Variants in TTLL9 observed in about 807,000 individuals in gnomAD.
TTLL9 encodes the protein probable tubulin polyglutamylase TTLL9.
In TTLL9, 47 loss-of-function variants were observed where a neutral mutation model predicts 65.6. The ratio of observed to expected loss-of-function variants is 0.72; its 90% CI spans 0.57 to 0.91. The LOEUF (loss-of-function observed/expected upper bound fraction) is 0.91, where lower values mean the gene tolerates loss of function less well. TTLL9 is among the 40% of genes least tolerant of loss of function. TTLL9 has a pLI of 0.00. For synonymous variants in TTLL9, 179 were observed against 204.8 expected, an observed-to-expected ratio of 0.87 and a Z score of 1.07; for missense variants, 537 against 568.8, an observed-to-expected ratio of 0.94 and a Z score of 0.57.
chr20:31,924,147 A>C (rs1600602605), intron 8 of TTLL9, among the ~76,000 whole-genome samples: 1 of 150,010 alleles, frequency 6.7e-6, no homozygotes, highest in African/African-American at 2.5e-5. Flanking sequence ...CATTCCTCTC[A>C]CCTCCACCCC....
At chr20:31,942,473 G>A (rs2064226890) in intron 14 of TTLL9, among the ~76,000 whole-genome samples, 1 of 148,410 alleles carries the variant, frequency 6.7e-6, no homozygotes, top group Non-Finnish European at 1.5e-5. Context: ...TGAGGTGCCA[G>A]GCACTGTGCT....
At chr20:31,873,832 GAAAGAA>G (rs1555800248) in intron 2 of TTLL9, among the ~76,000 whole-genome samples, 1 of 75,658 alleles carries the variant, frequency 1.3e-5, no homozygotes, top group Non-Finnish European at 3.1e-5. Flanking sequence ...AAGAAAGAAA[GAAAGAA>G]AGAAAGAAAG....
intron 6 of TTLL9, among the ~76,000 whole-genome samples, chr20:31,912,603 ATGTGTGTGTG>A (rs61107814): frequency 0.066 from 9,246 of 141,066 alleles, 397 homozygotes; most frequent in African/African-American, 0.13. Flanking sequence ...GTGTATGTGT[ATGTGTGTGTG>A]TGTGTGTGTG....
intron 10 of TTLL9, among the ~76,000 whole-genome samples, chr20:31,930,733 A>G (rs1229074741): frequency 6.6e-6 from 1 of 152,070 alleles, no homozygotes; most frequent in East Asian, 1.9e-4. Context: ...TTTCTAAACT[A>G]AGAAAAGTCT....
At chr20:31,920,679 C>T (rs1249533278) in intron 7 of TTLL9, 1 of 152,734 alleles carries the variant, frequency 6.5e-6, no homozygotes, top group African/African-American at 2.4e-5. Flanking sequence ...AGCCTGGAGG[C>T]CCAGCCTGCC....
chr20:31,921,415 T>C (rs987503310), intron 7 of TTLL9, among the ~76,000 whole-genome samples: 7 of 152,188 alleles, frequency 4.6e-5, no homozygotes, highest in African/African-American at 9.7e-5. Flanking sequence ...GACAGTGTGG[T>C]GATTCCTCAG....
chr20:31,890,096 C>T (rs1239034588), intron 3 of TTLL9, among the ~76,000 whole-genome samples: 3 of 73,882 alleles, frequency 4.1e-5, no homozygotes, highest in African/African-American at 6.9e-5. Context: ...TGCTTTCTTT[C>T]CCTCCCTTCC....
chr20:31,884,642 A>G (rs1338763040), intron 2 of TTLL9, among the ~76,000 whole-genome samples: 1 of 152,150 alleles, frequency 6.6e-6, no homozygotes, highest in East Asian at 1.9e-4. Flanking sequence ...CCCCTTTTCT[A>G]GTTTCTGGAG....
chr20:31,937,324 G>C, intron 12 of TTLL9, 72 bp from the exon 13 acceptor site: 1 of 1,023,636 alleles, frequency 9.8e-7, no homozygotes, highest in Non-Finnish European at 1.5e-6. Context: ...CATCCATCTA[G>C]CCTCTCAGTG....
chr20:31,885,578 A>T (rs1424959721), intron 2 of TTLL9, among the ~76,000 whole-genome samples: 2 of 152,212 alleles, frequency 1.3e-5, no homozygotes, highest in Non-Finnish European at 2.9e-5. Context: ...GAAGGGCTTG[A>T]ATGGAAGAAT....
chr20:31,937,343 G>C, intron 12 of TTLL9, 53 bp from the exon 13 acceptor site: 1 of 1,362,412 alleles, frequency 7.3e-7, no homozygotes. Flanking sequence ...TGAAATCCTA[G>C]GGGCTCCAGG....
intron 5 of TTLL9, 34 bp from the exon 6 acceptor site, chr20:31,909,703 G>A (rs1316133517): frequency 6.2e-7 from 1 of 1,604,634 alleles, no homozygotes; most frequent in African/African-American, 1.3e-5. Flanking sequence ...CTGTGAGCAG[G>A]AGCTAATGGC....
intron 12 of TTLL9, among the ~76,000 whole-genome samples, chr20:31,936,488 C>G (rs1303414334): frequency 6.6e-6 from 1 of 151,910 alleles, no homozygotes; most frequent in Non-Finnish European, 1.5e-5. Context: ...AAAAAAAAGT[C>G]TATTTTTGGC....
At chr20:31,920,222 A>AAC (rs967475809) in intron 7 of TTLL9, among the ~76,000 whole-genome samples, 8 of 109,150 alleles carry the variant, frequency 7.3e-5, no homozygotes, top group African/African-American at 3.1e-4. Flanking sequence ...CTAATAAGCA[A>AAC]ACACGCGCAC....
chr20:31,906,838 T>C (rs2063566320), intron 4 of TTLL9, among the ~76,000 whole-genome samples: 1 of 152,016 alleles, frequency 6.6e-6, no homozygotes, highest in African/African-American at 2.4e-5. Flanking sequence ...TTGGTAGAAA[T>C]GGGGTTTCAC....
rs866799029 is a variant in TTLL9 at position 31,911,164 on chromosome 20, G to A, written c.504+1242G>A. ...CACTCCAGCCTGGGTGAGAGAGTGAGACTCCGTCTCAAAAAAAAAAGAAAA... is the reference window on the plus strand; with the variant it reads ...CACTCCAGCCTGGGTGAGAGAGTGAAACTCCGTCTCAAAAAAAAAAGAAAA... On this transcript the variant is annotated intron_variant, in intron 6 of 14. Coordinates refer to ENST00000535842, the MANE Select transcript of TTLL9 (RefSeq NM_001008409.5). 4.0e-5 allele frequency among the ~76,000 whole-genome samples: 6 copies of A among 151,648 alleles called. No homozygotes were observed. In the South Asian group the frequency reaches 1.0e-3, roughly 26 times the overall value.
rs919885177 is a variant in TTLL9 at position 31,897,279 on chromosome 20, C to T, written c.114-1194C>T. On this transcript the variant is annotated intron_variant, in intron 3 of 14. Transcript: ENST00000535842. ...TAATTGTGCTTTTTGAGGAATTGTT[C>T]CATTTCATCTAAGCTGTCAAATGTA... 2.6e-5 allele frequency among the ~76,000 whole-genome samples: 4 copies of T among 152,266 alleles called. No homozygotes were observed. The South Asian group carries it at 8.3e-4, about 32-fold the overall frequency.
At chr20:31,885,216 T>C (rs2063172512) in intron 2 of TTLL9, among the ~76,000 whole-genome samples, 1 of 152,052 alleles carries the variant, frequency 6.6e-6, no homozygotes. Flanking sequence ...GAAATTTATG[T>C]TGAAGTGCAA....
Position 31,887,195 on chromosome 20 carries a change from G to A in TTLL9, c.70-1G>A, listed in dbSNP as rs1217892425. ...ACATCCTTTTCCTTTCCTCATTGCA[G>A]AACCAAAATTACAAGGGCCATGGAT... On this transcript the variant is annotated splice_acceptor_variant, in intron 2 of 14. Transcript: ENST00000535842. LOFTEE classifies it high-confidence loss of function. 2 of 1,614,146 alleles carry A rather than the reference G, an allele frequency of 1.2e-6. No individual in the cohort carries two copies.
Sources: allele counts gnomAD v4.1 joint callset (sites outside exome capture counted in the v4.1 genomes callset), GRCh38; gene constraint gnomAD v4.1.1; transcripts MANE v1.5; gene names NCBI Gene and HGNC (gene_info 2026-07-23, HGNC 2026-07-21).